Variants in PARD3B observed in about 807,000 individuals in gnomAD.
The protein encoded by PARD3B is partitioning defective 3 homolog B.
Under a neutral mutation model 130.2 loss-of-function variants are expected in PARD3B, and 103 were observed. The observed-to-expected ratio is 0.79, with a 90% CI of 0.67 to 0.93. The LOEUF is 0.93. Among genes scored for constraint, PARD3B ranks in the 40% least tolerant of loss-of-function variants. The pLI is 0.00. For synonymous variants in PARD3B, 583 were observed against 553.2 expected, an observed-to-expected ratio of 1.05 and a Z score of -0.76; for missense variants, 1,609 against 1,499.2, an observed-to-expected ratio of 1.07 and a Z score of -1.21.
In PARD3B at chr2:205,470,942, G is replaced by A. The variant is rs890041647; in HGVS notation, c.3045-28954G>A. On this transcript the variant is annotated intron_variant, in intron 20 of 22. Transcript: ENST00000406610. The surrounding 1 kb of genome is among the most constrained non-coding windows in gnomAD (Gnocchi z 4.8). ...ACGTGTGTTTCAAGTTTAAAACAAA[G>A]TGAGTTTTCAAGCCCAGGAATGATG... Among the ~76,000 whole-genome samples the A allele has an allele frequency of 6.6e-6, 1 of 152,202 alleles. No individual in the cohort carries two copies. The highest frequency in any genetic ancestry group is 1.5e-5 in the Non-Finnish European group (1 of 68,034).
chr2:204,609,992 A>C (rs2033865115), intron 1 of PARD3B, among the ~76,000 whole-genome samples: 1 of 152,180 alleles, frequency 6.6e-6, no homozygotes, highest in African/African-American at 2.4e-5. Context: ...CAGGGTCTAC[A>C]TGTGACTCTA....
intron 18 of PARD3B, among the ~76,000 whole-genome samples, chr2:205,316,369 A>G (rs1285533335): frequency 6.6e-6 from 1 of 152,146 alleles, no homozygotes; most frequent in Non-Finnish European, 1.5e-5. Flanking sequence ...TATAAAAAAG[A>G]AGACAGTTCT....
chr2:205,447,122 A>G (rs2047933467), intron 20 of PARD3B, among the ~76,000 whole-genome samples: 1 of 152,242 alleles, frequency 6.6e-6, no homozygotes, highest in Admixed American at 6.5e-5. Flanking sequence ...AATATATTAC[A>G]TAGAAGACAT....
In PARD3B at chr2:205,258,428, A is replaced by C. The variant is rs896309649; in HGVS notation, c.2185+12606A>C. Among the ~76,000 whole-genome samples, 3 of 152,158 alleles carry C rather than the reference A, an allele frequency of 2.0e-5. No individual in the cohort carries two copies. Among genetic ancestry groups the C allele is most frequent in the Admixed American group, 6.5e-5 (1 of 15,280 alleles). On this transcript the variant is annotated intron_variant, in intron 16 of 22. Coordinates refer to ENST00000406610, the MANE Select transcript of PARD3B (RefSeq NM_001302769.2). This position sits in a 1 kb window ranked among gnomAD's most constrained non-coding sequence, Gnocchi z 4.9. ...CAAAGACAATTTCTGTGACCACCCT[A>C]TCTAAAATAGTCACCCAACAAGAAG...
chr2:204,688,903 G>A (rs778502115), intron 2 of PARD3B, among the ~76,000 whole-genome samples: 11 of 152,050 alleles, frequency 7.2e-5, no homozygotes, highest in Non-Finnish European at 1.0e-4. Flanking sequence ...AAAGAGGCAC[G>A]GATAGATGCA....
At chr2:204,585,394 G>A (rs2032772163) in intron 1 of PARD3B, among the ~76,000 whole-genome samples, 1 of 152,006 alleles carries the variant, frequency 6.6e-6, no homozygotes, top group South Asian at 2.1e-4. Flanking sequence ...GTGCAGTGGT[G>A]CAATCATAGC....
intron 3 of PARD3B, among the ~76,000 whole-genome samples, chr2:205,039,722 G>A (rs1698259658): frequency 1.3e-5 from 2 of 151,806 alleles, no homozygotes; most frequent in Admixed American, 6.6e-5. Context: ...CGCCTGCCTT[G>A]GTTTCCCAAA....
chr2:204,612,252 T>C (rs1209767283), intron 1 of PARD3B, among the ~76,000 whole-genome samples: 2 of 152,210 alleles, frequency 1.3e-5, no homozygotes, highest in Non-Finnish European at 2.9e-5. Flanking sequence ...GGCCCGACTT[T>C]TGCTTTTACC....
At chr2:205,477,993 A>T (rs541425386) in intron 20 of PARD3B, among the ~76,000 whole-genome samples, 29 of 152,334 alleles carry the variant, frequency 1.9e-4, no homozygotes, top group Non-Finnish European at 4.0e-4. Flanking sequence ...CTAGCCTTGG[A>T]GAAGGACACG....
In PARD3B at chr2:205,440,429, C is replaced by T; in HGVS notation, c.2801C>T (p.Ala934Val). 1 of 1,614,078 alleles carries T rather than the reference C, an allele frequency of 6.2e-7. No homozygotes were observed. The highest frequency in any genetic ancestry group is 8.5e-7 in the Non-Finnish European group (1 of 1,179,950). The change falls in exon 20 of 23, where the codon GCT (alanine) becomes GTT (valine). Residue 934 changes from alanine (A) to valine (V), a missense_variant. By Grantham distance (64) the Ala-to-Val change is moderately conservative (BLOSUM62 0). Coordinates refer to ENST00000406610, the MANE Select transcript of PARD3B (RefSeq NM_001302769.2). This position sits in a 1 kb window ranked among gnomAD's most constrained non-coding sequence, Gnocchi z 4.2. The part of the protein sequence containing the change: ...EKQARGLLDY[A>V]TGAIGSVYDM... ...CAGGCAAGAGGTCTTCTTGATTATGCTACTGGTGCAATTGGATCAGTGTAT... is the reference window on the plus strand; with the variant it reads ...CAGGCAAGAGGTCTTCTTGATTATGTTACTGGTGCAATTGGATCAGTGTAT...
rs1369960545 is a variant in PARD3B at position 205,563,862 on chromosome 2, A to G, written c.3260+10459A>G. Among the ~76,000 whole-genome samples the G allele has an allele frequency of 1.3e-5, 2 of 152,154 alleles. No individual in the cohort carries two copies. The highest frequency in any genetic ancestry group is 4.8e-5 in the African/African-American group (2 of 41,438). On this transcript the variant is annotated intron_variant, in intron 22 of 22. Transcript: ENST00000406610. This position sits in a 1 kb window ranked among gnomAD's most constrained non-coding sequence, Gnocchi z 4.2. ...GGCGCCCCCTAGGGCTGCACAGACC[A>G]TGTGCATGGACCAGGTCCCCAGCCC...
In PARD3B at chr2:205,036,203, A is replaced by G. The variant is rs62173541; in HGVS notation, c.395-11378A>G. 3.0e-3 allele frequency among the ~76,000 whole-genome samples: 435 copies of G among 146,222 alleles called. 3 individuals carry two copies. Among genetic ancestry groups the G allele is most frequent in the African/African-American group, 9.9e-3 (397 of 40,200 alleles). ...TATATACAAAATAAGTATATAGTGG[A>G]CTATATATATAAAATATGTATATAG... is the stretch of plus-strand genomic sequence containing the variant. On this transcript the variant is annotated intron_variant, in intron 3 of 22. Transcript: ENST00000406610.
chr2:204,861,110 G>A (rs1342376033), intron 2 of PARD3B, among the ~76,000 whole-genome samples: 1 of 150,538 alleles, frequency 6.6e-6, no homozygotes, highest in Non-Finnish European at 1.5e-5. Flanking sequence ...TTCATTGGGG[G>A]CTGCTACAAT....
intron 1 of PARD3B, among the ~76,000 whole-genome samples, chr2:204,628,141 T>C (rs2125135864): frequency 6.6e-6 from 1 of 152,254 alleles, no homozygotes; most frequent in Admixed American, 6.5e-5. Flanking sequence ...CTTGGTTTTC[T>C]TGAGCAAAAT....
chr2:205,407,775 A>C lies in PARD3B; in HGVS notation c.2741+6652A>C, dbSNP rs2046459481. Among the ~76,000 whole-genome samples the C allele has an allele frequency of 2.6e-5, 4 of 152,192 alleles. No individual in the cohort carries two copies. Among genetic ancestry groups the C allele is most frequent in the Non-Finnish European group, 5.9e-5 (4 of 68,030 alleles). On this transcript the variant is annotated intron_variant, in intron 19 of 22. Transcript: ENST00000406610. The surrounding 1 kb of genome is among the most constrained non-coding windows in gnomAD (Gnocchi z 4.1). The stretch of plus-strand genomic sequence containing the variant: ...AGTCCCATATTACTGACCCTGAAAT[A>C]ATACTTCAGTAAATGAAGTTTTCTC...
intron 2 of PARD3B, among the ~76,000 whole-genome samples, chr2:204,840,866 T>C (rs1448906800): frequency 6.6e-6 from 1 of 152,224 alleles, no homozygotes; most frequent in Admixed American, 6.5e-5. Flanking sequence ...GTTAGTCTCT[T>C]ATTCTGCCTA....
At chr2:204,754,748 C>T (rs1186805463) in intron 2 of PARD3B, among the ~76,000 whole-genome samples, 1 of 152,126 alleles carries the variant, frequency 6.6e-6, no homozygotes, top group Non-Finnish European at 1.5e-5. Context: ...TTAGAAGTCA[C>T]ATTTGACCAT....
intron 2 of PARD3B, among the ~76,000 whole-genome samples, chr2:204,822,478 A>G (rs956979474): frequency 8.5e-5 from 13 of 152,228 alleles, no homozygotes; most frequent in Admixed American, 7.9e-4. Flanking sequence ...GTTTATGTTG[A>G]AACAAAATAC....
intron 2 of PARD3B, among the ~76,000 whole-genome samples, chr2:204,940,136 C>A (rs1218899715): frequency 1.3e-5 from 2 of 152,192 alleles, no homozygotes; most frequent in Non-Finnish European, 2.9e-5. Flanking sequence ...ACCATAGTGT[C>A]TTTAGAAGTT....
Sources: gnomAD v4.1 joint callset for allele counts (sites outside exome capture counted in the v4.1 genomes callset) on GRCh38, gnomAD v4.1.1 for gene constraint, Gnocchi (gnomAD v3.1) non-coding constraint, MANE v1.5 for transcripts, NCBI Gene and HGNC (gene_info 2026-07-23, HGNC 2026-07-21) for gene names.